Variants in TTN observed in about 807,000 individuals in gnomAD.
TTN encodes connectin.
In TTN, 1,525 loss-of-function variants were observed where a neutral mutation model predicts 3,223.0. That is an observed-to-expected ratio of 0.47 (90% CI 0.45 to 0.49). The LOEUF (loss-of-function observed/expected upper bound fraction) is 0.49. Among genes scored for constraint, TTN ranks in the 20% least tolerant of loss-of-function variants. The pLI, the probability that TTN is intolerant of heterozygous loss-of-function variation, is 0.00. For missense variants in TTN, 40,786 were observed against 43,424.0 expected (o/e 0.94, Z 5.40); for synonymous variants, 14,094 against 15,161.0 (o/e 0.93, Z 5.17).
At position 178,610,184 on chromosome 2, in the gene TTN, A is replaced by G. The variant is rs2055978038; in HGVS notation, c.51342T>C (p.Asn17114=). 2 of 1,613,026 alleles carry G rather than the reference A, an allele frequency of 1.2e-6. No individual in the cohort carries two copies. The highest frequency in any genetic ancestry group is 1.3e-5 in the African/African-American group (1 of 74,960). ...CTTTAACACGGAAGAAGTATTCACC[A>G]TTTGGTATGAGATCCTTCACAGTCC... is the stretch of plus-strand genomic sequence containing the variant. ...LSWTVKDLIP[N]GEYFFRVKAV... Residue 17114 remains asparagine (N), a synonymous_variant, in exon 271 of 363, where the codon AAT becomes AAC. Transcript: ENST00000589042.
intron 47 of TTN, chr2:178,748,009 C>T: frequency 1.9e-6 from 3 of 1,613,018 alleles, no homozygotes; most frequent in Non-Finnish European, 2.5e-6. Context: ...TCCCACCATC[C>T]TGCTTTGGAA....
intron 143 of TTN, 104 bp downstream of exon 143, chr2:178,678,643 T>G: frequency 1.7e-6 from 2 of 1,186,362 alleles, no homozygotes; most frequent in South Asian, 1.6e-5. Context: ...ATATTTAATT[T>G]TCTCTAAAGA....
rs1209898521 is a variant in TTN, at chr2:178,635,593, C to A, written c.41731G>T (p.Asp13911Tyr). ...TCATTTGGTTCCGCAGGGATTTCAT[C>A]ATATCCTTTGAACCACTTAATGTTT... ...TPNIKWFKGY[D>Y]EIPAEPNDKT... is the part of the protein sequence containing the mutation. Residue 13911 changes from aspartate to tyrosine, a missense_variant, in exon 227 of 363, where the codon GAT becomes TAT. Physicochemically the swap from Asp to Tyr is radical, Grantham distance 160. Coordinates refer to ENST00000589042, the MANE Select transcript of TTN (RefSeq NM_001267550.2). 6.3e-7 allele frequency: 1 copy of A among 1,593,590 alleles called. No homozygotes were observed. The highest frequency in any genetic ancestry group is 2.3e-5 in the East Asian group (1 of 44,218).
chr2:178,686,152 G>T (rs1213843669), intron 127 of TTN, among the ~76,000 whole-genome samples: 1 of 92,874 alleles, frequency 1.1e-5, no homozygotes, highest in Non-Finnish European at 1.7e-5. Flanking sequence ...ACGGAGTCTC[G>T]CTCTGTCGCC....
At position 178,576,019 on chromosome 2, in the gene TTN, A is replaced by T; in HGVS notation, c.70113T>A (p.Arg23371=). The stretch of plus-strand genomic sequence containing the variant: ...TGGTCCATGTCACTTCAGGAGCAGG[A>T]CGACCTTTAATTGGCACAAATATCC... ...SIRIFVPIKG[R]PAPEVTWTKD... Residue 23371 remains arginine, a synonymous_variant, in exon 326 of 363, where the codon CGT becomes CGA. Transcript: ENST00000589042. The surrounding 1 kb of genome is among the most constrained non-coding windows in gnomAD (Gnocchi z 4.3). 1 of 1,613,030 alleles carries T rather than the reference A, an allele frequency of 6.2e-7. No homozygotes were observed. The highest frequency in any genetic ancestry group is 8.5e-7 in the Non-Finnish European group (1 of 1,179,230).
chr2:178,733,930 C>A, intron 52 of TTN, 38 bp from the exon 53 acceptor site: 3 of 1,521,056 alleles, frequency 2.0e-6, no homozygotes, highest in Non-Finnish European at 2.6e-6. Context: ...CATATCAATT[C>A]CCAAACACTT....
In TTN at chr2:178,588,883, GC is replaced by G; in HGVS notation, c.62841del (p.Pro20948LeufsTer9). On this transcript the variant is annotated frameshift_variant, in exon 304 of 363. Transcript: ENST00000589042. LOFTEE classifies it high-confidence loss of function. ...RVRAENKIGT[G>X]PPTESKPVIA... Reference sequence around the variant, plus strand: ...ATGACTGGTTTACTTTCTGTTGGAGGCCCTGTGCCTATTTTATTTTCTGCAC... The same window carrying G: ...ATGACTGGTTTACTTTCTGTTGGAGGCCTGTGCCTATTTTATTTTCTGCAC... The G allele has an allele frequency of 6.2e-7, 1 of 1,613,130 alleles. No homozygotes were observed. Among genetic ancestry groups the G allele is most frequent in the Non-Finnish European group, 8.5e-7 (1 of 1,179,570 alleles).
Position 178,588,777 on chromosome 2 carries a change from A to C in TTN, c.62948T>G (p.Val20983Gly). 1 of 1,613,268 alleles carries C rather than the reference A, an allele frequency of 6.2e-7. No individual in the cohort carries two copies. Among genetic ancestry groups the C allele is most frequent in the Non-Finnish European group, 8.5e-7 (1 of 1,179,570 alleles). ...ACCATCATATTCAGGTGGATTCCAA[A>C]CCACAGTCATCTCTTCTTTGCTTAC... The part of the protein sequence containing the change: ...TKVSKEEMTV[V>G]WNPPEYDGGK... Residue 20983 changes from valine (V) to glycine (G), a missense_variant, in exon 304 of 363, where the codon GTT (valine) becomes GGT (glycine). Coordinates refer to ENST00000589042, the MANE Select transcript of TTN (RefSeq NM_001267550.2).
At position 178,767,872 on chromosome 2, in the gene TTN, G is replaced by C; in HGVS notation, c.9358C>G (p.Arg3120Gly). 6.2e-7 allele frequency: 1 copy of C among 1,614,060 alleles called. No individual in the cohort carries two copies. The change falls in exon 40 of 363, where the codon CGG becomes GGG. Residue 3120 changes from arginine to glycine, a missense_variant. Arg to Gly is a moderately radical substitution (Grantham distance 125, BLOSUM62 -2). Coordinates refer to ENST00000589042, the MANE Select transcript of TTN (RefSeq NM_001267550.2). ...YVHRLLIPST[R>G]MSDAGKYTVV... is the part of the protein sequence containing the mutation. ...GTGTACTTCCCAGCATCAGACATCC[G>C]GGTGGATGGGATCAGAAGGCGGTGG... is the stretch of plus-strand genomic sequence containing the variant.
In TTN at chr2:178,552,931, G is replaced by A; in HGVS notation, c.89969C>T (p.Thr29990Ile). The change falls in exon 335 of 363, where the codon ACA becomes ATA. Residue 29990 changes from threonine (T) to isoleucine (I), a missense_variant. By Grantham distance (89) the Thr-to-Ile change is moderately conservative. Coordinates refer to ENST00000589042, the MANE Select transcript of TTN (RefSeq NM_001267550.2). ...WSVVSHKCSS[T>I]SFKLIDLSEK... Reference sequence around the variant, plus strand: ...CGACAAATCTATTAGCTTGAAGGATGTGCTAGAACATTTGTGTGACACGAC... The same window carrying A: ...CGACAAATCTATTAGCTTGAAGGATATGCTAGAACATTTGTGTGACACGAC... 1 of 1,613,566 alleles carries A rather than the reference G, an allele frequency of 6.2e-7. No individual in the cohort carries two copies. Among genetic ancestry groups the A allele is most frequent in the South Asian group, 1.1e-5 (1 of 91,074 alleles).
chr2:178,681,275 C>T, intron 137 of TTN, 101 bp downstream of exon 137: 1 of 1,431,808 alleles, frequency 7.0e-7, no homozygotes, highest in Non-Finnish European at 9.6e-7. Flanking sequence ...ACAAGAACAT[C>T]CTACTCAGCA....
chr2:178,652,078 G>C lies in TTN; in HGVS notation c.39295+18C>G. 6.2e-7 allele frequency: 1 copy of C among 1,613,144 alleles called. No homozygotes were observed. The highest frequency in any genetic ancestry group is 1.7e-5 in the Admixed American group (1 of 59,862). On this transcript the variant is annotated intron_variant, in intron 204 of 362. Coordinates refer to ENST00000589042, the MANE Select transcript of TTN (RefSeq NM_001267550.2). ...AGATTTTTTTAAAAAACACTAATTTGAATAGTTTCATTATTACCTTCAGGG... is the reference window on the plus strand; with the variant it reads ...AGATTTTTTTAAAAAACACTAATTTCAATAGTTTCATTATTACCTTCAGGG...
chr2:178,567,987 G>T lies in TTN; in HGVS notation c.78145C>A (p.Gln26049Lys), dbSNP rs1706572074. 6.2e-7 allele frequency: 1 copy of T among 1,613,304 alleles called. No homozygotes were observed. The highest frequency in any genetic ancestry group is 8.5e-7 in the Non-Finnish European group (1 of 1,179,592). The change falls in exon 326 of 363, where the codon CAA (glutamine) becomes AAA (lysine). Residue 26049 changes from glutamine (Q) to lysine (K), a missense_variant. By Grantham distance (53) the Gln-to-Lys change is moderately conservative. Transcript: ENST00000589042. ...KVNKTIIHDT[Q>K]FKAQNLEEGI... ...TCTTCAAGATTCTGTGCTTTGAATT[G>T]GGTGTCATGAATAATAGTTTTGTTG...
In TTN at chr2:178,585,192, C is replaced by G; in HGVS notation, c.64552G>C (p.Ala21518Pro). 6.2e-7 allele frequency: 1 copy of G among 1,613,328 alleles called. No homozygotes were observed. The highest frequency in any genetic ancestry group is 8.5e-7 in the Non-Finnish European group (1 of 1,179,482). ...ATGATCAGAATTGAAGAGCTGTCTGCTTTATGCACTGCCAGGTGGCTGGAT... is the reference window on the plus strand; with the variant it reads ...ATGATCAGAATTGAAGAGCTGTCTGGTTTATGCACTGCCAGGTGGCTGGAT... Reference protein sequence around the residue: ...VTSSHLAVHKADSSSILIIKD... With the variant: ...VTSSHLAVHKPDSSSILIIKD... Residue 21518 changes from alanine (A) to proline (P), a missense_variant, in exon 309 of 363, where the codon GCA becomes CCA. Coordinates refer to ENST00000589042, the MANE Select transcript of TTN (RefSeq NM_001267550.2).
rs1388218305 is a variant in TTN, at chr2:178,777,445, T to A, written c.4620A>T (p.Ser1540=). 6.2e-7 allele frequency: 1 copy of A among 1,613,676 alleles called. No homozygotes were observed. The highest frequency in any genetic ancestry group is 8.5e-7 in the Non-Finnish European group (1 of 1,179,904). ...VVAQNRAGRS[S]ISVILTVEAV... ...CTTCCACAGTTAAAATCACTGAAAT[T>A]GAAGATCTGCCTGCCCTGTTTTGGG... The change falls in exon 26 of 363, where the codon TCA becomes TCT. Residue 1540 remains serine, a synonymous_variant. Coordinates refer to ENST00000589042, the MANE Select transcript of TTN (RefSeq NM_001267550.2).
Position 178,545,511 on chromosome 2 carries a change from T to G in TTN, c.95599A>C (p.Arg31867=), listed in dbSNP as rs778708400. 1 of 1,613,684 alleles carries G rather than the reference T, an allele frequency of 6.2e-7. No homozygotes were observed. Among genetic ancestry groups the G allele is most frequent in the Non-Finnish European group, 8.5e-7 (1 of 1,179,666 alleles). ...TCCATCAGGCTGGTCACCTTCAGCCTGGTATCATACACCACATAGTCTTTG... is the reference window on the plus strand; with the variant it reads ...TCCATCAGGCTGGTCACCTTCAGCCGGGTATCATACACCACATAGTCTTTG... The part of the protein sequence containing the change: ...VNKDYVVYDT[R]LKVTSLMEGC... The change falls in exon 344 of 363, where the codon AGG becomes CGG. Residue 31867 remains arginine, a synonymous_variant. Transcript: ENST00000589042.
Position 178,704,575 on chromosome 2 carries a change from T to A in TTN, c.29897A>T (p.Lys9966Ile), listed in dbSNP as rs1400936440. The A allele has an allele frequency of 6.8e-6, 11 of 1,613,530 alleles. No individual in the cohort carries two copies. Among genetic ancestry groups the A allele is most frequent in the Non-Finnish European group, 8.5e-6 (10 of 1,179,686 alleles). ...AACCAATCGATAATTGCCCTGGTCT[T>A]TAAGTTGACAGTTTTTGACTCTGAG... ...HTLRVKNCQL[K>I]DQGNYRLVCG... The change falls in exon 105 of 363, where the codon AAA becomes ATA. Residue 9966 changes from lysine (K) to isoleucine (I), a missense_variant. Coordinates refer to ENST00000589042, the MANE Select transcript of TTN (RefSeq NM_001267550.2).
In TTN at chr2:178,732,150, C is replaced by T; in HGVS notation, c.16819G>A (p.Gly5607Ser). 6.2e-7 allele frequency: 1 copy of T among 1,613,792 alleles called. No individual in the cohort carries two copies. Among genetic ancestry groups the T allele is most frequent in the Non-Finnish European group, 8.5e-7 (1 of 1,179,752 alleles). ...ATATATTCACCACTGTCTTCGATGC[C>T]AACATCTGTCAGTCTTAGAACTGCA... ...STAVLRLTDV[G>S]IEDSGEYMCE... Residue 5607 changes from glycine (G) to serine (S), a missense_variant, in exon 57 of 363, where the codon GGC (glycine) becomes AGC (serine). Gly to Ser is a moderately conservative substitution (Grantham distance 56, BLOSUM62 0). Transcript: ENST00000589042.
chr2:178,674,268 G>T, intron 151 of TTN, 46 bp downstream of exon 151: 2 of 1,127,464 alleles, frequency 1.8e-6, no homozygotes, highest in Non-Finnish European at 1.3e-6. Context: ...AGAAAGATTT[G>T]GAACACCAGG....
Sources: gnomAD v4.1 joint callset for allele counts (sites outside exome capture counted in the v4.1 genomes callset) on GRCh38, gnomAD v4.1.1 for gene constraint, Gnocchi (gnomAD v3.1) non-coding constraint, MANE v1.5 for transcripts, NCBI Gene and HGNC (gene_info 2026-07-23, HGNC 2026-07-21) for gene names.